Variants in CCDC50 observed in about 807,000 individuals in gnomAD.
The protein encoded by CCDC50 is coiled-coil domain-containing protein 50.
A neutral mutation model predicts 70.2 loss-of-function variants in CCDC50; 54 were observed. The observed-to-expected ratio is 0.77, with a 90% CI of 0.62 to 0.96. The LOEUF (loss-of-function observed/expected upper bound fraction) is 0.96. Ranked by LOEUF, CCDC50 falls within the 50% of genes least tolerant of loss-of-function variation. The pLI is 0.00. For synonymous variants in CCDC50, 216 were observed against 198.8 expected, an observed-to-expected ratio of 1.09 and a Z score of -0.73; for missense variants, 558 against 578.7, an observed-to-expected ratio of 0.96 and a Z score of 0.37.
rs1385467663 is a variant in CCDC50 at position 191,394,422 on chromosome 3, CTG to C, written c.*2666_*2667del. ...TTAATGAACTGCCAGACACTTTTCA[CTG>C]TGTTCTCTGCTTTTTACTTTGTCAT... On this transcript the variant is annotated 3_prime_UTR_variant, in exon 12 of 12. Transcript: ENST00000392455. 1 of 152,098 alleles carries C rather than the reference CTG, an allele frequency of 6.6e-6. No individual in the cohort carries two copies. The highest frequency in any genetic ancestry group is 1.5e-5 in the Non-Finnish European group (1 of 67,988). The allele number at this position is 152,098 out of a possible 1,614,324, so 9.4% of individuals were successfully genotyped here. A position where few individuals can be genotyped will look rare whatever the true frequency, so the allele number is the denominator to read the frequency against.
intron 4 of CCDC50, among the ~76,000 whole-genome samples, chr3:191,369,241 G>C (rs556756094): frequency 2.6e-5 from 4 of 151,706 alleles, no homozygotes; most frequent in Non-Finnish European, 5.9e-5. Context: ...TTGTACTCCC[G>C]TGGAAATTTT....
intron 1 of CCDC50, among the ~76,000 whole-genome samples, chr3:191,356,230 G>A (rs1254681283): frequency 6.6e-6 from 1 of 152,154 alleles, no homozygotes; most frequent in Non-Finnish European, 1.5e-5. Context: ...TGTTTTGTCT[G>A]TTTGTATGTT....
chr3:191,380,536 T>C, intron 7 of CCDC50, 151 bp from the exon 8 acceptor site: 1 of 783,014 alleles, frequency 1.3e-6, no homozygotes, highest in Non-Finnish European at 2.2e-6. Context: ...GAGCTCCTGC[T>C]CTGGCTGGTG....
At chr3:191,376,430 G>A (rs990278042) in intron 6 of CCDC50, among the ~76,000 whole-genome samples, 2 of 151,996 alleles carry the variant, frequency 1.3e-5, no homozygotes, top group African/African-American at 2.4e-5. Context: ...CATCATTGAC[G>A]CAGTAATGGC....
chr3:191,350,645 G>T (rs1280380176), intron 1 of CCDC50, among the ~76,000 whole-genome samples: 1 of 141,700 alleles, frequency 7.1e-6, no homozygotes, highest in African/African-American at 2.5e-5. Context: ...ACATTATTTG[G>T]ATAATGTGTG....
intron 3 of CCDC50, among the ~76,000 whole-genome samples, chr3:191,360,095 G>A (rs1257214194): frequency 6.6e-6 from 1 of 152,218 alleles, no homozygotes; most frequent in East Asian, 1.9e-4. Context: ...ATCTTGGGAA[G>A]GATGAAATGC....
In CCDC50 at chr3:191,395,503, A is replaced by G. The variant is rs1352850188; in HGVS notation, c.*3743A>G. On this transcript the variant is annotated 3_prime_UTR_variant, in exon 12 of 12. Transcript: ENST00000392455. ...TTGGGGAATACCAAGATGATTCATTATTCAGTGATTATTTTCTTGAAAGAT... is the reference window on the plus strand; with the variant it reads ...TTGGGGAATACCAAGATGATTCATTGTTCAGTGATTATTTTCTTGAAAGAT... 6.6e-6 allele frequency: 1 copy of G among 152,184 alleles called. No individual in the cohort carries two copies. The highest frequency in any genetic ancestry group is 1.5e-5 in the Non-Finnish European group (1 of 68,006). 9.4% of individuals were successfully genotyped at this position (152,184 alleles called of 1,614,324 possible).
At chr3:191,337,016 T>C (rs1044624500) in intron 1 of CCDC50, among the ~76,000 whole-genome samples, 3 of 152,254 alleles carry the variant, frequency 2.0e-5, no homozygotes, top group Non-Finnish European at 2.9e-5. Context: ...AATTTCAGTG[T>C]CTGTAAGTAA....
chr3:191,348,898 G>A (rs906323976), intron 1 of CCDC50, among the ~76,000 whole-genome samples: 2 of 142,382 alleles, frequency 1.4e-5, no homozygotes, highest in South Asian at 2.2e-4. Flanking sequence ...AATTGCTCAC[G>A]TATTACTTAA....
In CCDC50 at chr3:191,375,212, C is replaced by T. The variant is rs146653620; in HGVS notation, c.599C>T (p.Ser200Leu). 42 of 1,613,668 alleles carry T rather than the reference C, an allele frequency of 2.6e-5. No homozygotes were observed. Among genetic ancestry groups the T allele is most frequent in the African/African-American group, 1.5e-4 (11 of 74,948 alleles). The change falls in exon 6 of 12, where the codon TCG becomes TTG. Residue 200 changes from serine to leucine, a missense_variant. Physicochemically the swap from Ser to Leu is moderately radical, Grantham distance 145 (BLOSUM62 -2). Coordinates refer to ENST00000392455, the MANE Select transcript of CCDC50 (RefSeq NM_178335.3). The stretch of plus-strand genomic sequence containing the variant: ...GAAGAGCCAGAACAACATTGTTCAT[C>T]GAAGAGATCCCTGTCATCCTCTAGC... ...NLEEPEQHCS[S>L]KRSLSSSSSG...
At chr3:191,352,351 G>A (rs1336693328) in intron 1 of CCDC50, among the ~76,000 whole-genome samples, 1 of 141,462 alleles carries the variant, frequency 7.1e-6, no homozygotes, top group African/African-American at 2.5e-5. Flanking sequence ...GAAATGGATG[G>A]GGGGTATATA....
At chr3:191,341,884 T>G (rs953959139) in intron 1 of CCDC50, among the ~76,000 whole-genome samples, 1 of 152,254 alleles carries the variant, frequency 6.6e-6, no homozygotes, top group African/African-American at 2.4e-5. Flanking sequence ...TGCGGTCACC[T>G]TATTCTGTAT....
intron 5 of CCDC50, among the ~76,000 whole-genome samples, chr3:191,372,029 A>C (rs1261230221): frequency 3.3e-5 from 5 of 152,174 alleles, no homozygotes; most frequent in Non-Finnish European, 7.3e-5. Flanking sequence ...TAAATGCATT[A>C]AACTGTTAAT....
At chr3:191,374,282 C>T (rs1043314686) in intron 5 of CCDC50, among the ~76,000 whole-genome samples, 17 of 152,128 alleles carry the variant, frequency 1.1e-4, no homozygotes, top group African/African-American at 2.9e-4. Flanking sequence ...TATTTTTCTA[C>T]AAAGAATACA....
At chr3:191,380,551 C>A in intron 7 of CCDC50, 136 bp from the exon 8 acceptor site, 1 of 855,016 alleles carries the variant, frequency 1.2e-6, no homozygotes, top group African/African-American at 1.7e-5. Context: ...CTGGTGAAAG[C>A]ATACCAACTG....
chr3:191,389,362 C>A (rs1713603797), intron 10 of CCDC50, 134 bp from the exon 11 acceptor site: 4 of 785,980 alleles, frequency 5.1e-6, no homozygotes, highest in South Asian at 2.7e-5. Flanking sequence ...TGTCCAGGAA[C>A]TACAGTGTGA....
intron 5 of CCDC50, among the ~76,000 whole-genome samples, chr3:191,373,614 C>G (rs1334405594): frequency 2.6e-5 from 4 of 152,054 alleles, no homozygotes; most frequent in Admixed American, 2.0e-4. Flanking sequence ...TCACTTGATT[C>G]TCATGTTGTC....
chr3:191,386,596 A>G (rs963228469), intron 10 of CCDC50, among the ~76,000 whole-genome samples: 3 of 152,196 alleles, frequency 2.0e-5, no homozygotes, highest in East Asian at 1.9e-4. Flanking sequence ...TGTGTCATCT[A>G]TGATCTCCTA....
At chr3:191,347,464 G>A (rs1214521349) in intron 1 of CCDC50, among the ~76,000 whole-genome samples, 3 of 141,526 alleles carry the variant, frequency 2.1e-5, no homozygotes, top group East Asian at 1.9e-4. Context: ...TAAGCACCCC[G>A]TTGCATTGTT....
Sources: gnomAD v4.1 joint callset for allele counts (sites outside exome capture counted in the v4.1 genomes callset) on GRCh38, gnomAD v4.1.1 for gene constraint, MANE v1.5 for transcripts, NCBI Gene and HGNC (gene_info 2026-07-23, HGNC 2026-07-21) for gene names.